Variants in NUDT2 observed in about 807,000 individuals in gnomAD.
The protein encoded by NUDT2 is nudix hydrolase 2.
NUDT2 carries 12 observed loss-of-function variants against 14.2 expected under a neutral mutation model. That is an observed-to-expected ratio of 0.84 (90% confidence interval 0.54 to 1.37). The LOEUF (loss-of-function observed/expected upper bound fraction) is 1.37, where lower values mean the gene tolerates loss of function less well. Among genes scored for constraint, NUDT2 ranks in the 40% most tolerant of loss-of-function variants. NUDT2 has a pLI of 0.00. For missense variants in NUDT2, 167 were observed against 176.7 expected, an observed-to-expected ratio of 0.95 and a Z score of 0.31; for synonymous variants, 67 against 67.4, an observed-to-expected ratio of 0.99 and a Z score of 0.03.
In NUDT2 at chr9:34,343,116, C is replaced by T. The variant is rs543012663; in HGVS notation, c.128-8C>T. 1 of 1,591,904 alleles carries T rather than the reference C, an allele frequency of 6.3e-7. No individual in the cohort carries two copies. The highest frequency in any genetic ancestry group is 1.1e-5 in the South Asian group (1 of 88,444). ...CTCCTCCTTTTCTTCCTCTTTTCTC[C>T]TAACTAGGCCATGTGGAACCAGGAG... On this transcript the variant is annotated splice_polypyrimidine_tract_variant and splice_region_variant and intron_variant, in intron 4 of 4. Coordinates refer to ENST00000379158, the MANE Select transcript of NUDT2 (RefSeq NM_001161.5).
chr9:34,342,106 A>T (rs1215031822), intron 4 of NUDT2, among the ~76,000 whole-genome samples: 1 of 152,218 alleles, frequency 6.6e-6, no homozygotes, highest in African/African-American at 2.4e-5. Flanking sequence ...GTTTCTTGGC[A>T]GCTGTCTTCT....
chr9:34,335,095 T>C (rs574305962), intron 1 of NUDT2, among the ~76,000 whole-genome samples: 24 of 152,186 alleles, frequency 1.6e-4, no homozygotes, highest in Non-Finnish European at 2.2e-4. Context: ...TCAGCTCCTC[T>C]GAGTCCTGGG....
chr9:34,338,883 C>G (rs1223213276), intron 3 of NUDT2, 36 bp downstream of exon 3: 2 of 645,932 alleles, frequency 3.1e-6, no homozygotes, highest in Non-Finnish European at 5.2e-6. Context: ...TCCATTGGTC[C>G]TGGGCATGCT....
At chr9:34,339,271 A>G in intron 4 of NUDT2, 105 bp downstream of exon 4, 1 of 1,420,068 alleles carries the variant, frequency 7.0e-7, no homozygotes, top group Non-Finnish European at 9.7e-7. Flanking sequence ...TGTGTAGCAA[A>G]AAGGGGTAGG....
intron 2 of NUDT2, among the ~76,000 whole-genome samples, chr9:34,337,834 G>A (rs372674113): frequency 1.3e-5 from 2 of 152,134 alleles, no homozygotes; most frequent in East Asian, 1.9e-4. Context: ...GGAGGCTAAG[G>A]GGGGAGGACC....
At chr9:34,334,531 C>T (rs955395587) in intron 1 of NUDT2, among the ~76,000 whole-genome samples, 2 of 152,120 alleles carry the variant, frequency 1.3e-5, no homozygotes, top group Admixed American at 6.5e-5. Flanking sequence ...TTTGTGGTCT[C>T]CAGAAAAACA....
Position 34,343,561 on chromosome 9 carries a change from T to G in NUDT2, c.*121T>G. 1 of 924,314 alleles carries G rather than the reference T, an allele frequency of 1.1e-6. No individual in the cohort carries two copies. The highest frequency in any genetic ancestry group is 1.6e-6 in the Non-Finnish European group (1 of 643,238). 57.3% of individuals were successfully genotyped at this position (924,314 alleles called of 1,614,324 possible). ...GGCTCATGACAGCCAAGAGCAGATT[T>G]GTGAAATCGGCTCAACTCCCAGGTG... On this transcript the variant is annotated 3_prime_UTR_variant, in exon 5 of 5. Transcript: ENST00000379158.
chr9:34,341,151 C>T (rs1820172231), intron 4 of NUDT2, among the ~76,000 whole-genome samples: 3 of 152,218 alleles, frequency 2.0e-5, no homozygotes, highest in Admixed American at 2.0e-4. Flanking sequence ...TAGGAATATT[C>T]ACACTTGTCT....
chr9:34,331,254 CAG>C (rs1292363043), intron 1 of NUDT2, among the ~76,000 whole-genome samples: 3 of 152,116 alleles, frequency 2.0e-5, no homozygotes, highest in South Asian at 4.1e-4. Flanking sequence ...TTCTTTAAAA[CAG>C]AGAAGCTTTT....
At chr9:34,336,846 G>A (rs553258246) in intron 2 of NUDT2, among the ~76,000 whole-genome samples, 17 of 151,420 alleles carry the variant, frequency 1.1e-4, no homozygotes, top group African/African-American at 3.6e-4. Flanking sequence ...ACCCAGCCTC[G>A]ACCTCATTTT....
intron 1 of NUDT2, among the ~76,000 whole-genome samples, chr9:34,333,644 CAAAAAA>C (rs34830977): frequency 6.4e-5 from 3 of 47,090 alleles, no homozygotes; most frequent in East Asian, 7.1e-4. Context: ...GAGACATTGT[CAAAAAA>C]AAAAAAAAAA....
chr9:34,330,032 C>T (rs769472852), intron 1 of NUDT2, among the ~76,000 whole-genome samples: 1 of 152,228 alleles, frequency 6.6e-6, no homozygotes, highest in Non-Finnish European at 1.5e-5. Context: ...TGGATAATAT[C>T]GTGGCAGTTA....
At chr9:34,334,979 CA>C (rs1415346324) in intron 1 of NUDT2, among the ~76,000 whole-genome samples, 4 of 152,146 alleles carry the variant, frequency 2.6e-5, no homozygotes, top group Non-Finnish European at 5.9e-5. Flanking sequence ...AGCAGGGTAC[CA>C]GGCATAGTGG....
intron 2 of NUDT2, among the ~76,000 whole-genome samples, chr9:34,338,156 TAAAAAAA>T (rs74180557): frequency 2.3e-3 from 71 of 31,048 alleles, no homozygotes; most frequent in African/African-American, 0.01. Context: ...CCCTGTTTCT[TAAAAAAA>T]AAAAAAAAAA....
In NUDT2 at chr9:34,339,033, T is replaced by A. The variant is rs1443050179; in HGVS notation, c.-7T>A. 7 of 1,612,538 alleles carry A rather than the reference T, an allele frequency of 4.3e-6. No individual in the cohort carries two copies. The Admixed American group carries it at 1.2e-4, about 27-fold the overall frequency. Reference sequence around the variant, plus strand: ...TATCTTCTTTGTTAAGTCCTTAGGATAAGACCATGGCCTTGAGAGCATGTG... The same window carrying A: ...TATCTTCTTTGTTAAGTCCTTAGGAAAAGACCATGGCCTTGAGAGCATGTG... On this transcript the variant is annotated 5_prime_UTR_variant, in exon 4 of 5. Transcript: ENST00000379158.
In NUDT2 at chr9:34,336,431, T is replaced by A. The variant is rs143107361; in HGVS notation, c.-152+90T>A. On this transcript the variant is annotated intron_variant, in intron 2 of 4. Transcript: ENST00000379158. ...AAGCCTACCACTTTATATATGAATTTGTAAACTCAAACAGGGATTTCATTA... is the reference window on the plus strand; with the variant it reads ...AAGCCTACCACTTTATATATGAATTAGTAAACTCAAACAGGGATTTCATTA... 3.9e-5 allele frequency: 6 copies of A among 152,368 alleles called. No individual in the cohort carries two copies. The East Asian group carries it at 1.2e-3, about 29-fold the overall frequency. The allele number at this position is 152,368 out of a possible 1,614,324, so 9.4% of individuals were successfully genotyped here.
At chr9:34,331,416 T>C (rs1223441887) in intron 1 of NUDT2, among the ~76,000 whole-genome samples, 1 of 152,226 alleles carries the variant, frequency 6.6e-6, no homozygotes, top group Non-Finnish European at 1.5e-5. Context: ...AAGTTAAGTA[T>C]CTTGCTCTAA....
chr9:34,339,238 C>T (rs1838175298), intron 4 of NUDT2, 72 bp downstream of exon 4: 1 of 1,567,522 alleles, frequency 6.4e-7, no homozygotes, highest in Non-Finnish European at 8.7e-7. Context: ...CCAGGCCCTC[C>T]CCAAGGCTTA....
intron 1 of NUDT2, among the ~76,000 whole-genome samples, chr9:34,335,278 T>G (rs1838062276): frequency 6.6e-6 from 1 of 152,234 alleles, no homozygotes; most frequent in South Asian, 2.1e-4. Context: ...CTTTGTTCTC[T>G]TCCACCTCAC....
Sources: gnomAD v4.1 joint callset for allele counts (sites outside exome capture counted in the v4.1 genomes callset) on GRCh38, gnomAD v4.1.1 for gene constraint, MANE v1.5 for transcripts, NCBI Gene and HGNC (gene_info 2026-07-23, HGNC 2026-07-21) for gene names.